Variants in ABCB1 observed in about 807,000 individuals in gnomAD.
ABCB1 encodes the protein ATP binding cassette subfamily B member 1, also known as ATP-dependent translocase ABCB1.
In ABCB1, 69 loss-of-function variants were observed where a neutral mutation model predicts 142.0. The ratio of observed to expected loss-of-function variants is 0.49; its 90% CI spans 0.40 to 0.59. The LOEUF (loss-of-function observed/expected upper bound fraction) is 0.59. ABCB1 is among the 20% of genes least tolerant of loss of function. The pLI, the probability that ABCB1 is intolerant of heterozygous loss-of-function variation, is 0.00. For synonymous variants in ABCB1, 532 were observed against 539.2 expected, an observed-to-expected ratio of 0.99 and a Z score of 0.18; for missense variants, 1,326 against 1,554.7, an observed-to-expected ratio of 0.85 and a Z score of 2.47.
At chr7:87,612,385 A>G (rs1819883682) in intron 1 of ABCB1, among the ~76,000 whole-genome samples, 1 of 152,130 alleles carries the variant, frequency 6.6e-6, no homozygotes, top group African/African-American at 2.4e-5. Context: ...TAGAATTTTT[A>G]TGGTTTCAGG....
rs1424498745 is a variant in ABCB1, at chr7:87,595,804, T to C, written c.79A>G (p.Lys27Glu). The C allele has an allele frequency of 6.2e-7, 1 of 1,610,780 alleles. No individual in the cohort carries two copies. The highest frequency in any genetic ancestry group is 8.5e-7 in the Non-Finnish European group (1 of 1,177,620). Residue 27 changes from lysine (K) to glutamate (E), a missense_variant, in exon 3 of 28, where the codon AAG becomes GAG. Transcript: ENST00000622132. ...CTGACAGTTGGTTTCTTTTCCTTCT[T>C]ATCTTTTTCACTGCAAAACAGCAAT... ...FKLNNKSEKD[K>E]KEKKPTVSVF... is the part of the protein sequence containing the mutation.
intron 1 of ABCB1, among the ~76,000 whole-genome samples, chr7:87,634,611 A>C (rs1452844878): frequency 6.6e-6 from 1 of 150,760 alleles, no homozygotes; most frequent in African/African-American, 2.4e-5. Context: ...TGGGAGAAAG[A>C]GTGAGACTCT....
At chr7:87,680,024 C>A (rs1231972396) in intron 1 of ABCB1, among the ~76,000 whole-genome samples, 1 of 150,456 alleles carries the variant, frequency 6.6e-6, no homozygotes, top group Admixed American at 6.6e-5. Flanking sequence ...TATCCCTACC[C>A]TAGCCACCCA....
At chr7:87,598,228 A>AT (rs1310292030) in intron 2 of ABCB1, among the ~76,000 whole-genome samples, 1 of 152,090 alleles carries the variant, frequency 6.6e-6, no homozygotes, top group Non-Finnish European at 1.5e-5. Flanking sequence ...TTTTATTTTC[A>AT]TTTTTTACTG....
At chr7:87,662,885 G>T (rs1824858274) in intron 1 of ABCB1, among the ~76,000 whole-genome samples, 1 of 152,042 alleles carries the variant, frequency 6.6e-6, no homozygotes, top group Admixed American at 6.6e-5. Flanking sequence ...CACTAACATG[G>T]AATATCTTTC....
chr7:87,706,170 A>G (rs560006812), intron 1 of ABCB1, among the ~76,000 whole-genome samples: 1 of 152,320 alleles, frequency 6.6e-6, no homozygotes, highest in East Asian at 1.9e-4. Context: ...GCATCTTTCC[A>G]TCCAATAAAT....
chr7:87,639,073 A>AC (rs1187960369), intron 1 of ABCB1, among the ~76,000 whole-genome samples: 5 of 137,884 alleles, frequency 3.6e-5, no homozygotes, highest in African/African-American at 1.4e-4. Context: ...AATGGTGTAA[A>AC]CCCCGGAGGC....
intron 1 of ABCB1, among the ~76,000 whole-genome samples, chr7:87,608,958 A>G (rs1819754303): frequency 6.6e-6 from 1 of 152,192 alleles, no homozygotes; most frequent in Admixed American, 6.5e-5. Context: ...AACAGTATTA[A>G]TCAAGTACCC....
At chr7:87,592,173 G>A (rs1819025946) in intron 3 of ABCB1, among the ~76,000 whole-genome samples, 1 of 152,176 alleles carries the variant, frequency 6.6e-6, no homozygotes, top group Admixed American at 6.5e-5. Flanking sequence ...GGGCATCAGT[G>A]CCTTGATGTG....
chr7:87,523,172 T>C (rs1317394738), intron 21 of ABCB1, among the ~76,000 whole-genome samples: 1 of 152,042 alleles, frequency 6.6e-6, no homozygotes, highest in Non-Finnish European at 1.5e-5. Context: ...AATTCACAGG[T>C]GTGATCATCA....
chr7:87,608,059 C>T (rs890722419), intron 1 of ABCB1, among the ~76,000 whole-genome samples: 1 of 152,002 alleles, frequency 6.6e-6, no homozygotes, highest in Admixed American at 6.6e-5. Context: ...TGGATTTGTC[C>T]TCAGAGTCTA....
rs764107460 is a variant in ABCB1 at position 87,628,976 on chromosome 7, C to G, written c.-330-27898G>C. 1.4e-5 allele frequency: 18 copies of G among 1,305,880 alleles called. No individual in the cohort carries two copies. The African/African-American group carries it at 2.4e-4, about 17-fold the overall frequency. The allele number at this position is 1,305,880 out of a possible 1,614,324, so 80.9% of individuals were successfully genotyped here. A position where few individuals can be genotyped will look rare whatever the true frequency, so the allele number is the denominator to read the frequency against. ...GCAGCGCAGGGCGAGGGGAACCAGC[C>G]TCCCGCCGGGGCTGAGAGCTCTGGG... is the stretch of plus-strand genomic sequence containing the variant. On this transcript the variant is annotated intron_variant, in intron 1 of 28. Transcript: ENST00000265724.
At chr7:87,656,683 A>T (rs772867379) in intron 1 of ABCB1, among the ~76,000 whole-genome samples, 56 of 150,918 alleles carry the variant, frequency 3.7e-4, no homozygotes, top group Admixed American at 2.3e-3. Flanking sequence ...TTGATAGTTT[A>T]AAAAAAACCT....
intron 4 of ABCB1, among the ~76,000 whole-genome samples, chr7:87,571,505 A>G (rs993244818): frequency 4.0e-5 from 6 of 151,038 alleles, no homozygotes; most frequent in African/African-American, 1.5e-4. Context: ...AGAATAGAAA[A>G]GAAAGCAAAT....
intron 1 of ABCB1, among the ~76,000 whole-genome samples, chr7:87,688,738 TAAA>T (rs1827724625): frequency 6.6e-6 from 1 of 152,034 alleles, no homozygotes; most frequent in African/African-American, 2.4e-5. Flanking sequence ...TTTGAATGTC[TAAA>T]ATTTTATAAC....
Position 87,561,390 on chromosome 7 carries a change from G to A in ABCB1, c.703-3C>T, listed in dbSNP as rs1817558407. On this transcript the variant is annotated splice_polypyrimidine_tract_variant and splice_region_variant and intron_variant, in intron 7 of 27. Coordinates refer to ENST00000622132, the MANE Select transcript of ABCB1 (RefSeq NM_001348946.2). ...TTATCAGTAAATGAAGATAGTATCT[G>A]TTTAAAAATACAATTTTGGATCATG... The A allele has an allele frequency of 6.2e-7, 1 of 1,609,310 alleles. No individual in the cohort carries two copies. The highest frequency in any genetic ancestry group is 1.3e-5 in the African/African-American group (1 of 74,824).
intron 1 of ABCB1, chr7:87,710,533 A>T (rs776451181): frequency 2.3e-6 from 3 of 1,307,326 alleles, no homozygotes; most frequent in Admixed American, 4.4e-5. Flanking sequence ...TATTTTTTTA[A>T]TTTTTTTTAT....
upstream of ABCB1, among the ~76,000 whole-genome samples, chr7:87,602,555 A>G (rs1819501849): frequency 2.6e-5 from 4 of 151,914 alleles, no homozygotes; most frequent in Admixed American, 2.6e-4. Context: ...TCATTTATGT[A>G]ATCTTGTTGT....
rs1829828935 is a variant in ABCB1 at position 87,708,840 on chromosome 7, G to A, written c.-331+4321C>T. Among the ~76,000 whole-genome samples, 3 of 152,110 alleles carry A rather than the reference G, an allele frequency of 2.0e-5. No individual in the cohort carries two copies. The South Asian group carries it at 6.2e-4, about 32-fold the overall frequency. ...AACCTAACTCACACAATTATTGGGA[G>A]GATTACTTATCTTCTTAATGTATAT... On this transcript the variant is annotated intron_variant, in intron 1 of 28. Transcript: ENST00000265724.
Sources: gnomAD v4.1 joint callset for allele counts (sites outside exome capture counted in the v4.1 genomes callset) on GRCh38, gnomAD v4.1.1 for gene constraint, MANE v1.5 for transcripts, NCBI Gene and HGNC (gene_info 2026-07-23, HGNC 2026-07-21) for gene names.